Variants in ZNF846 observed in about 807,000 individuals in gnomAD.
The protein encoded by ZNF846 is zinc finger protein 420 pseudogene.
ZNF846 carries 15 observed loss-of-function variants against 16.0 expected under a neutral mutation model. The ratio of observed to expected loss-of-function variants is 0.94; its 90% CI spans 0.63 to 1.45. The LOEUF (loss-of-function observed/expected upper bound fraction) is 1.45, where lower values mean the gene tolerates loss of function less well. Among genes scored for constraint, ZNF846 ranks in the 40% most tolerant of loss-of-function variants. ZNF846 has a pLI of 0.00. For synonymous variants in ZNF846, 229 were observed against 212.0 expected (o/e 1.08, Z -0.70); for missense variants, 714 against 622.3 (o/e 1.15, Z -1.57).
exon 6 of ZNF846, chr19:9,757,884 T>C (rs773373590): frequency 1.9e-5 from 30 of 1,613,354 alleles, no homozygotes; most frequent in Non-Finnish European, 2.5e-5. Flanking sequence ...TTTCCCACAT[T>C]CTTTACATTC....
intron 1 of ZNF846, among the ~76,000 whole-genome samples, chr19:9,779,868 C>T (rs898010520): frequency 2.6e-5 from 4 of 151,076 alleles, no homozygotes; most frequent in African/African-American, 9.8e-5. Context: ...TCACCACGCC[C>T]GGCCATCACG....
downstream of ZNF846, among the ~76,000 whole-genome samples, chr19:9,750,066 C>T (rs967405265): frequency 6.6e-6 from 1 of 152,084 alleles, no homozygotes; most frequent in Non-Finnish European, 1.5e-5. Context: ...TCCAAATGTT[C>T]CTTTACTCTT....
chr19:9,759,657 G>T (rs1276397329), intron 5 of ZNF846, among the ~76,000 whole-genome samples: 2 of 151,656 alleles, frequency 1.3e-5, no homozygotes, highest in African/African-American at 4.9e-5. Context: ...TAGCTGAGTT[G>T]TATGTTTGTG....
At chr19:9,754,563 TTAAAAAA>T (rs1217851280), downstream of ZNF846, among the ~76,000 whole-genome samples, 10 of 83,790 alleles carry the variant, frequency 1.2e-4, no homozygotes, top group African/African-American at 6.4e-4. Context: ...AGACTCTGTC[TTAAAAAA>T]AAAAAAAAAA....
chr19:9,775,340 A>G (rs1231444782), intron 1 of ZNF846, among the ~76,000 whole-genome samples: 2 of 152,096 alleles, frequency 1.3e-5, no homozygotes, highest in Admixed American at 6.6e-5. Context: ...AACAAAAGTG[A>G]CAATGCCCTA....
chr19:9,782,197 G>A (rs2045509024), intron 1 of ZNF846, among the ~76,000 whole-genome samples: 1 of 152,170 alleles, frequency 6.6e-6, no homozygotes, highest in Non-Finnish European at 1.5e-5. Flanking sequence ...AATGGCACTA[G>A]CCCTTGTGAC....
At chr19:9,761,924 G>A (rs1396800949) in intron 4 of ZNF846, among the ~76,000 whole-genome samples, 158 bp downstream of exon 4, 1 of 152,134 alleles carries the variant, frequency 6.6e-6, no homozygotes, top group Non-Finnish European at 1.5e-5. Context: ...ATTTAAAGAT[G>A]AGGGGAGTTG....
intron 4 of ZNF846, among the ~76,000 whole-genome samples, chr19:9,760,734 A>AT (rs1396583111): frequency 2.6e-5 from 4 of 151,254 alleles, no homozygotes; most frequent in African/African-American, 9.8e-5. Context: ...ACATATATAT[A>AT]TAGCTAAGTG....
At chr19:9,756,603 C>T (rs964631348), downstream of ZNF846, 4 of 151,130 alleles carry the variant, frequency 2.6e-5, no homozygotes, top group African/African-American at 9.8e-5. Flanking sequence ...TTTCTGAAGG[C>T]TGTCCCAGAT....
intron 5 of ZNF846, 33 bp downstream of exon 5, chr19:9,759,827 A>T: frequency 6.6e-7 from 1 of 1,505,236 alleles, no homozygotes; most frequent in East Asian, 2.3e-5. Flanking sequence ...TTCTTGTCCT[A>T]GTGTGGAAGA....
intron 3 of ZNF846, 115 bp downstream of exon 3, chr19:9,763,167 C>A (rs1568324228): frequency 1.1e-6 from 1 of 920,838 alleles, no homozygotes; most frequent in Non-Finnish European, 1.5e-6. Context: ...AAAGGAATGT[C>A]CACTGGCCAA....
chr19:9,759,953 G>C lies in ZNF846; in HGVS notation c.230-11C>G, dbSNP rs1230661356. The C allele has an allele frequency of 2.5e-6, 4 of 1,608,046 alleles. No homozygotes were observed. The highest frequency in any genetic ancestry group is 2.2e-5 in the East Asian group (1 of 44,804). ...GTTGCAAATCCAATTCTGAAATAAA[G>C]TGAAAAATGCAGCTTGGGAGAAAAA... On this transcript the variant is annotated splice_polypyrimidine_tract_variant and intron_variant, in intron 4 of 5. Transcript: ENST00000397902.
At position 9,764,018 on chromosome 19, in the gene ZNF846, T is replaced by C. The variant is rs2045273557; in HGVS notation, c.16-610A>G. Among the ~76,000 whole-genome samples, 6 of 152,310 alleles carry C rather than the reference T, an allele frequency of 3.9e-5. No individual in the cohort carries two copies. The South Asian group carries it at 1.2e-3, about 32-fold the overall frequency. ...CAACAGCGTGTGATGTGCTTCCCCCTGCACAGAGCCTATGAATGGACGTGC... is the reference window on the plus strand; with the variant it reads ...CAACAGCGTGTGATGTGCTTCCCCCCGCACAGAGCCTATGAATGGACGTGC... On this transcript the variant is annotated intron_variant, in intron 2 of 5. Coordinates refer to ENST00000397902, the Ensembl canonical transcript of ZNF846.
chr19:9,757,463 C>T, downstream of ZNF846: 1 of 1,546,574 alleles, frequency 6.5e-7, no homozygotes, highest in Non-Finnish European at 8.7e-7. Flanking sequence ...ATACTAAGAT[C>T]TGAGGAACAC....
At chr19:9,784,323 G>A (rs182575392) in intron 1 of ZNF846, among the ~76,000 whole-genome samples, 4 of 152,306 alleles carry the variant, frequency 2.6e-5, no homozygotes, top group Admixed American at 6.5e-5. Flanking sequence ...AGGAAAATGT[G>A]AGCAAAGGAC....
At position 9,768,438 on chromosome 19, in the gene ZNF846, C is replaced by T. The variant is rs1418195142; in HGVS notation, c.-235G>A. On this transcript the variant is annotated 5_prime_UTR_variant, in exon 1 of 6. The change creates a new upstream start codon in the 5' untranslated region. Transcript: ENST00000397902. ...GGCACGGTGGTTGGAGAAAAAAACA[C>T]GTCTCCACCGGGGACCCTGGGCCAG... 1 of 152,244 alleles carries T rather than the reference C, an allele frequency of 6.6e-6. No individual in the cohort carries two copies. The highest frequency in any genetic ancestry group is 2.4e-5 in the African/African-American group (1 of 41,464). 9.4% of individuals were successfully genotyped at this position (152,244 alleles called of 1,614,324 possible). A position where few individuals can be genotyped will look rare whatever the true frequency, so the allele number is the denominator to read the frequency against.
chr19:9,780,595 G>A (rs2045492675), intron 1 of ZNF846, among the ~76,000 whole-genome samples: 2 of 151,944 alleles, frequency 1.3e-5, no homozygotes, highest in African/African-American at 4.8e-5. Context: ...GACTACAGGT[G>A]TGCACCATCA....
At chr19:9,756,327 A>ATGTGTGTGTGTGTG (rs1180429035), downstream of ZNF846, 1 of 106,106 alleles carries the variant, frequency 9.4e-6, no homozygotes, top group African/African-American at 4.6e-5. Context: ...GTGCATATAT[A>ATGTGTGTGTGTGTG]TGTGTGTGTG....
At chr19:9,762,864 G>A (rs1190442838) in intron 3 of ZNF846, among the ~76,000 whole-genome samples, 1 of 152,130 alleles carries the variant, frequency 6.6e-6, no homozygotes, top group Non-Finnish European at 1.5e-5. Flanking sequence ...TAATGCCCAG[G>A]CCATGCATGG....
Sources: allele counts gnomAD v4.1 joint callset (sites outside exome capture counted in the v4.1 genomes callset), GRCh38; gene constraint gnomAD v4.1.1; transcripts MANE v1.5; gene names NCBI Gene and HGNC (gene_info 2026-07-23, HGNC 2026-07-21).